Variants in ATP11A observed in about 807,000 individuals in gnomAD.
ATP11A encodes phospholipid-transporting ATPase IH.
A neutral mutation model predicts 154.4 loss-of-function variants in ATP11A; 81 were observed. That is an observed-to-expected ratio of 0.52 (90% CI 0.44 to 0.63). The LOEUF (loss-of-function observed/expected upper bound fraction) is 0.63. Among genes scored for constraint, ATP11A ranks in the 30% least tolerant of loss-of-function variants. The pLI is 0.00. For synonymous variants in ATP11A, 623 were observed against 585.9 expected (o/e 1.06, Z -0.91); for missense variants, 1,316 against 1,474.3 (o/e 0.89, Z 1.76).
chr13:112,816,229 T>C lies in ATP11A; in HGVS notation c.570+18T>C. On this transcript the variant is annotated intron_variant, in intron 6 of 29. Coordinates refer to ENST00000375645, the MANE Select transcript of ATP11A (RefSeq NM_015205.3). ...GCCATAAAGTAAGGGGCCTTTTCATTAGACTCCAGGGCAGGATCTTCCTGT... is the reference window on the plus strand; with the variant it reads ...GCCATAAAGTAAGGGGCCTTTTCATCAGACTCCAGGGCAGGATCTTCCTGT... 1.2e-6 allele frequency: 2 copies of C among 1,614,040 alleles called. No individual in the cohort carries two copies. The highest frequency in any genetic ancestry group is 8.5e-7 in the Non-Finnish European group (1 of 1,179,976).
chr13:112,756,397 G>C (rs530769956), intron 1 of ATP11A, among the ~76,000 whole-genome samples: 1 of 152,180 alleles, frequency 6.6e-6, no homozygotes, highest in South Asian at 2.1e-4. Context: ...CTGCGTGTTG[G>C]GCTTCAGGAT....
chr13:112,839,104 G>T (rs7981466), intron 16 of ATP11A, among the ~76,000 whole-genome samples: 1 of 152,194 alleles, frequency 6.6e-6, no homozygotes, highest in African/African-American at 2.4e-5. Context: ...GATTCTCCAC[G>T]GTGGAATTTT....
chr13:112,812,547 C>T (rs556013783), intron 5 of ATP11A, among the ~76,000 whole-genome samples: 55 of 152,316 alleles, frequency 3.6e-4, no homozygotes, highest in African/African-American at 1.3e-3. Context: ...TGAACCTCTC[C>T]GGACAAGGCC....
At chr13:112,797,284 C>CA (rs34154413) in intron 2 of ATP11A, among the ~76,000 whole-genome samples, 20,285 of 36,074 alleles carry the variant, frequency 0.56, 5,477 homozygotes, top group African/African-American at 0.64. Flanking sequence ...AACTCCATCT[C>CA]AAAAAAAAAA....
In ATP11A at chr13:112,753,070, G is replaced by A. The variant is rs1594549107; in HGVS notation, c.40-32065G>A. Among the ~76,000 whole-genome samples, 1 of 152,302 alleles carries A rather than the reference G, an allele frequency of 6.6e-6. No individual in the cohort carries two copies. Among genetic ancestry groups the A allele is most frequent in the Non-Finnish European group, 1.5e-5 (1 of 68,022 alleles). On this transcript the variant is annotated intron_variant, in intron 1 of 29. Transcript: ENST00000375645. The surrounding 1 kb of genome is among the most constrained non-coding windows in gnomAD (Gnocchi z 4.1). ...AGAAGTCAGTGACATCAGGCCCAGG[G>A]TAAATGAGTCAGTGTTCCCAATGAC...
Position 112,856,008 on chromosome 13 carries a change from A to C in ATP11A, c.2341A>C (p.Arg781=). The change falls in exon 20 of 30, where the codon AGG becomes CGG. Residue 781 remains arginine (R), a synonymous_variant. Transcript: ENST00000375645. The part of the protein sequence containing the change: ...PREDGSSGNY[R]ELFLEICRSC... ...AGAAGACGGGAGTTCCGGCAACTAC[A>C]GGGAGCTCTTCCTGGAAATCTGCCG... is the stretch of plus-strand genomic sequence containing the variant. The C allele has an allele frequency of 6.2e-7, 1 of 1,614,194 alleles. No individual in the cohort carries two copies. Among genetic ancestry groups the C allele is most frequent in the Non-Finnish European group, 8.5e-7 (1 of 1,180,016 alleles).
chr13:112,796,924 G>A (rs2078014179), intron 2 of ATP11A, among the ~76,000 whole-genome samples: 1 of 151,904 alleles, frequency 6.6e-6, no homozygotes, highest in Admixed American at 6.6e-5. Flanking sequence ...AGAGCAAAGA[G>A]GAAAAAAGAG....
intron 20 of ATP11A, 61 bp downstream of exon 20, chr13:112,856,146 C>T (rs754113408): frequency 8.0e-5 from 121 of 1,508,948 alleles, no homozygotes; most frequent in Non-Finnish European, 9.3e-5. Flanking sequence ...GAAAACCTTC[C>T]GTTAGGTCTC....
At chr13:112,849,073 C>A (rs983157772) in intron 17 of ATP11A, among the ~76,000 whole-genome samples, 4 of 152,180 alleles carry the variant, frequency 2.6e-5, no homozygotes, top group Non-Finnish European at 2.9e-5. Flanking sequence ...CCAAAAGGTG[C>A]TGGTTTTTTT....
intron 28 of ATP11A, among the ~76,000 whole-genome samples, chr13:112,876,502 C>T (rs889165408): frequency 1.3e-5 from 2 of 152,160 alleles, no homozygotes; most frequent in African/African-American, 4.8e-5. Context: ...CCTTCAAGCT[C>T]AACCCTAAAT....
intron 1 of ATP11A, among the ~76,000 whole-genome samples, chr13:112,759,863 G>A (rs1012486322): frequency 6.6e-6 from 1 of 152,090 alleles, no homozygotes; most frequent in Non-Finnish European, 1.5e-5. Flanking sequence ...AACGCCCTTG[G>A]GTAGGTTATT....
chr13:112,841,941 A>G lies in ATP11A; in HGVS notation c.1706-335A>G, dbSNP rs375625644. Among the ~76,000 whole-genome samples, 21 of 152,026 alleles carry G rather than the reference A, an allele frequency of 1.4e-4. No individual in the cohort carries two copies. In the East Asian group the frequency reaches 2.9e-3, roughly 21 times the overall value. On this transcript the variant is annotated intron_variant, in intron 16 of 29. Coordinates refer to ENST00000375645, the MANE Select transcript of ATP11A (RefSeq NM_015205.3). ...ACCTTCCAGCATTTCAGAAACCAGG[A>G]CCCCCTTTGGGTCACCCCAACGCCC...
chr13:112,813,183 C>T (rs981139571), intron 5 of ATP11A, among the ~76,000 whole-genome samples: 2 of 152,158 alleles, frequency 1.3e-5, no homozygotes, highest in Non-Finnish European at 2.9e-5. Context: ...CTAGAGCGTC[C>T]TAGAAAAGCA....
intron 3 of ATP11A, 104 bp downstream of exon 3, chr13:112,805,150 G>A (rs1555329235): frequency 1.3e-6 from 1 of 777,816 alleles, no homozygotes; most frequent in Non-Finnish European, 2.0e-6. Flanking sequence ...CAAGGACATG[G>A]TGCCCCTCAC....
rs1022456208 is a variant in ATP11A, at chr13:112,883,465, C to G, written c.*1599C>G. ...CCGCGCCACGCTGTGGAACGGGGCT[C>G]CGGCAAGTGAAACCCAGAGGGTGTT... On this transcript the variant is annotated 3_prime_UTR_variant, in exon 30 of 30. Transcript: ENST00000375645. The G allele has an allele frequency of 5.6e-6, 2 of 355,450 alleles. No individual in the cohort carries two copies. Among genetic ancestry groups the G allele is most frequent in the African/African-American group, 4.2e-5 (2 of 47,674 alleles). 22.0% of individuals were successfully genotyped at this position (355,450 alleles called of 1,614,324 possible).
chr13:112,879,992 TCTC>T (rs993972403), intron 29 of ATP11A, among the ~76,000 whole-genome samples: 6 of 152,198 alleles, frequency 3.9e-5, no homozygotes, highest in African/African-American at 1.2e-4. Flanking sequence ...GTTTCCTACT[TCTC>T]CTCACCTGGG....
chr13:112,778,227 C>T (rs1011323938), intron 1 of ATP11A, among the ~76,000 whole-genome samples: 7 of 152,256 alleles, frequency 4.6e-5, no homozygotes, highest in Admixed American at 2.0e-4. Context: ...GCAGCCTCCA[C>T]GTGCCTCTCA....
intron 1 of ATP11A, among the ~76,000 whole-genome samples, chr13:112,762,359 G>A (rs1212986041): frequency 6.6e-6 from 1 of 152,168 alleles, no homozygotes; most frequent in Non-Finnish European, 1.5e-5. Context: ...GTTTCTCAGA[G>A]TATGAGCTGG....
chr13:112,759,392 G>A (rs889016754), intron 1 of ATP11A, among the ~76,000 whole-genome samples: 12 of 152,330 alleles, frequency 7.9e-5, no homozygotes, highest in African/African-American at 2.9e-4. Flanking sequence ...TGACCGTCAT[G>A]ACGGTGGGGG....
Sources: allele counts gnomAD v4.1 joint callset (sites outside exome capture counted in the v4.1 genomes callset), GRCh38; gene constraint gnomAD v4.1.1; non-coding constraint Gnocchi (gnomAD v3.1); transcripts MANE v1.5; gene names NCBI Gene and HGNC (gene_info 2026-07-23, HGNC 2026-07-21).